GPHN: variants seen among roughly 807,000 people sequenced by gnomAD.
The protein encoded by GPHN is gephyrin.
GPHN carries 17 observed loss-of-function variants against 95.5 expected under a neutral mutation model. The ratio of observed to expected loss-of-function variants is 0.18; its 90% CI spans 0.12 to 0.27. The LOEUF (loss-of-function observed/expected upper bound fraction) is 0.27. GPHN is among the 10% of genes least tolerant of loss of function. The pLI, the probability that GPHN is intolerant of heterozygous loss-of-function variation, is 1.00. For synonymous variants in GPHN, 320 were observed against 322.5 expected, an observed-to-expected ratio of 0.99 and a Z score of 0.08; for missense variants, 660 against 978.1, an observed-to-expected ratio of 0.67 and a Z score of 4.34.
intron 1 of GPHN, among the ~76,000 whole-genome samples, chr14:66,558,187 T>C (rs535092506): frequency 2.4e-4 from 36 of 152,148 alleles, no homozygotes; most frequent in Non-Finnish European, 4.6e-4. Flanking sequence ...TTTACCACAG[T>C]AGGCTAGTAA....
chr14:67,196,223 CTT>C, the GPHN span, among the ~76,000 whole-genome samples: 11 of 143,032 alleles, frequency 7.7e-5, no homozygotes, highest in Admixed American at 7.0e-5. Context: ...TTCTTTCTTT[CTT>C]TTTTTTTTTT....
chr14:67,681,033 T>C, the GPHN span, among the ~76,000 whole-genome samples: 857 of 152,324 alleles, frequency 5.6e-3, 5 homozygotes, highest in Middle Eastern at 0.01. Flanking sequence ...AAAATTAATA[T>C]GTTGAATCCC....
intron 2 of GPHN, among the ~76,000 whole-genome samples, chr14:66,698,067 GAAAT>G (rs1403027659): frequency 6.6e-6 from 1 of 151,956 alleles, no homozygotes; most frequent in Non-Finnish European, 1.5e-5. Context: ...TGGAAATTGT[GAAAT>G]AAATATTTAT....
At chr14:66,820,637 G>T (rs915401054) in intron 3 of GPHN, among the ~76,000 whole-genome samples, 1 of 152,096 alleles carries the variant, frequency 6.6e-6, no homozygotes, top group African/African-American at 2.4e-5. Context: ...AGATTTAGAG[G>T]TATTCATGAG....
chr14:67,627,254 G>GAT, the GPHN span, among the ~76,000 whole-genome samples: 6 of 46,772 alleles, frequency 1.3e-4, no homozygotes, highest in East Asian at 9.0e-4. Context: ...GATCAGTAAG[G>GAT]AGATATATAT....
At chr14:66,973,141 T>C (rs1050996507) in intron 9 of GPHN, among the ~76,000 whole-genome samples, 4 of 152,130 alleles carry the variant, frequency 2.6e-5, no homozygotes, top group African/African-American at 9.7e-5. Flanking sequence ...GAATCCTTTA[T>C]ATATATATTT....
the GPHN span, chr14:67,203,302 C>T: frequency 1.9e-6 from 3 of 1,562,104 alleles, no homozygotes; most frequent in Non-Finnish European, 2.6e-6. Flanking sequence ...AGGTGAGTTA[C>T]AAAGAGAAGA....
intron 4 of GPHN, among the ~76,000 whole-genome samples, chr14:66,863,443 A>T (rs564916459): frequency 2.0e-5 from 3 of 152,226 alleles, no homozygotes; most frequent in African/African-American, 7.2e-5. Flanking sequence ...CACCAATGAC[A>T]TTCTTCACAG....
intron 17 of GPHN, among the ~76,000 whole-genome samples, chr14:67,135,932 A>G (rs2080054668): frequency 6.6e-6 from 1 of 152,192 alleles, no homozygotes; most frequent in Admixed American, 6.5e-5. Context: ...TGATCTTCCA[A>G]GCAACTAATT....
intron 1 of GPHN, among the ~76,000 whole-genome samples, chr14:66,612,077 C>T (rs1482915689): frequency 6.6e-6 from 1 of 151,958 alleles, no homozygotes; most frequent in Non-Finnish European, 1.5e-5. Context: ...AGCCCAACAC[C>T]AATATGTGTA....
chr14:66,827,322 G>C (rs551634209), intron 4 of GPHN, among the ~76,000 whole-genome samples: 1 of 151,668 alleles, frequency 6.6e-6, no homozygotes, highest in South Asian at 2.1e-4. Context: ...GCAGAGGTTT[G>C]TTAGGAATAA....
At chr14:67,512,304 C>G in the GPHN span, among the ~76,000 whole-genome samples, 2 of 152,160 alleles carry the variant, frequency 1.3e-5, no homozygotes, top group African/African-American at 2.4e-5. Flanking sequence ...AAATACAAAG[C>G]CTGATTTCTG....
chr14:67,564,692 C>CT, the GPHN span, among the ~76,000 whole-genome samples: 5,897 of 136,668 alleles, frequency 0.043, 186 homozygotes, highest in African/African-American at 0.086. Context: ...TTTTCTTTTC[C>CT]TTTTTTTTTT....
the GPHN span, among the ~76,000 whole-genome samples, chr14:67,546,258 T>C: frequency 1.3e-5 from 2 of 152,210 alleles, no homozygotes; most frequent in Non-Finnish European, 2.9e-5. Context: ...TCATGGTCCA[T>C]TTCTTAAAGA....
At chr14:67,617,282 T>A in the GPHN span, 1 of 152,190 alleles carries the variant, frequency 6.6e-6, no homozygotes, top group Non-Finnish European at 1.5e-5. Context: ...CAGCCTTTTT[T>A]TGTTTTTGTT....
At chr14:67,108,684 A>AT (rs200076444) in intron 13 of GPHN, among the ~76,000 whole-genome samples, 7 of 132,038 alleles carry the variant, frequency 5.3e-5, no homozygotes, top group South Asian at 2.5e-4. Context: ...GTAGTAAGGT[A>AT]TTTTTTTTTC....
the GPHN span, among the ~76,000 whole-genome samples, chr14:67,306,761 A>G: frequency 1.3e-5 from 2 of 152,224 alleles, no homozygotes; most frequent in Non-Finnish European, 2.9e-5. Context: ...AACTGCTATT[A>G]TTAAAGCTCA....
the GPHN span, among the ~76,000 whole-genome samples, chr14:67,475,967 C>A: frequency 6.6e-6 from 1 of 152,216 alleles, no homozygotes. Context: ...GCAGGCCCGT[C>A]CTGGGCAGGC....
At chr14:66,964,801 A>G (rs1467098801) in intron 8 of GPHN, among the ~76,000 whole-genome samples, 1 of 152,320 alleles carries the variant, frequency 6.6e-6, no homozygotes, top group South Asian at 2.1e-4. Flanking sequence ...GTGTGCATAC[A>G]GGTCAGCTTA....
Sources: gnomAD v4.1 joint callset for allele counts (sites outside exome capture counted in the v4.1 genomes callset) on GRCh38, gnomAD v4.1.1 for gene constraint, MANE v1.5 for transcripts, NCBI Gene and HGNC (gene_info 2026-07-23, HGNC 2026-07-21) for gene names.